The following ARHGAP1 variants were observed in gnomAD, a reference collection of about 807,000 sequenced individuals.
The protein encoded by ARHGAP1 is Rho GTPase activating protein 1.
A neutral mutation model predicts 52.2 loss-of-function variants in ARHGAP1; 23 were observed. The observed-to-expected ratio is 0.44, with a 90% CI of 0.32 to 0.62. The LOEUF is 0.62. Among genes scored for constraint, ARHGAP1 ranks in the 20% least tolerant of loss-of-function variants. The pLI, the probability that ARHGAP1 is intolerant of heterozygous loss-of-function variation, is 0.05. For synonymous variants in ARHGAP1, 210 were observed against 228.4 expected, an observed-to-expected ratio of 0.92 and a Z score of 0.73; for missense variants, 480 against 560.9, an observed-to-expected ratio of 0.86 and a Z score of 1.46.
In ARHGAP1 at chr11:46,681,137, G is replaced by T. The variant is rs1361697288; in HGVS notation, c.537-28C>A. The T allele has an allele frequency of 6.2e-7, 1 of 1,601,796 alleles. No individual in the cohort carries two copies. On this transcript the variant is annotated intron_variant, in intron 6 of 12. Transcript: ENST00000311956. This position sits in a 1 kb window ranked among gnomAD's most constrained non-coding sequence, Gnocchi z 5.7. ...GTTGGTGGAAGAAAGGGCCTGGGTTGTGGGGGCCCGCTTCCGGTGGCCTCC... is the reference window on the plus strand; with the variant it reads ...GTTGGTGGAAGAAAGGGCCTGGGTTTTGGGGGCCCGCTTCCGGTGGCCTCC...
Position 46,680,969 on chromosome 11 carries a change from TA to T in ARHGAP1, c.635+41del. 6.4e-7 allele frequency: 1 copy of T among 1,567,634 alleles called. No homozygotes were observed. Among genetic ancestry groups the T allele is most frequent in the Non-Finnish European group, 8.8e-7 (1 of 1,140,848 alleles). On this transcript the variant is annotated intron_variant, in intron 7 of 12. Transcript: ENST00000311956. The surrounding 1 kb of genome is among the most constrained non-coding windows in gnomAD (Gnocchi z 5.9). ...TCTGAATCAGGACACACGTCCTCATTACCCTGGCTTCACGAGCCCCCAGCCG... is the reference window on the plus strand; with the variant it reads ...TCTGAATCAGGACACACGTCCTCATTCCCTGGCTTCACGAGCCCCCAGCCG...
Position 46,681,003 on chromosome 11 carries a change from C to G in ARHGAP1, c.635+8G>C. 1 of 1,613,426 alleles carries G rather than the reference C, an allele frequency of 6.2e-7. No homozygotes were observed. The highest frequency in any genetic ancestry group is 1.1e-5 in the South Asian group (1 of 91,074). On this transcript the variant is annotated splice_region_variant and intron_variant, in intron 7 of 12. Transcript: ENST00000311956. The surrounding 1 kb of genome is among the most constrained non-coding windows in gnomAD (Gnocchi z 5.7). ...TTCACGAGCCCCCAGCCGCCGCACC[C>G]GCCTCACTTGAGCACTTGGCGAGGG...
In ARHGAP1 at chr11:46,695,976, T is replaced by C. The variant is rs1217022181; in HGVS notation, c.132A>G (p.Ser44=). Residue 44 remains serine (S), a splice_region_variant and synonymous_variant, in exon 2 of 13, where the codon TCA becomes TCG. Transcript: ENST00000311956. ...GCCTGAGACCAGACACAAGCCCACCTGACTTGGGGAAGTCAGGCATTTCAT... is the reference window on the plus strand; with the variant it reads ...GCCTGAGACCAGACACAAGCCCACCCGACTTGGGGAAGTCAGGCATTTCAT... The part of the protein sequence containing the change: ...PSDEMPDFPK[S]DDSKSSSPEL... The C allele has an allele frequency of 1.2e-6, 2 of 1,614,096 alleles. No homozygotes were observed. Among genetic ancestry groups the C allele is most frequent in the Non-Finnish European group, 1.7e-6 (2 of 1,180,034 alleles).
At chr11:46,698,637 G>C (rs2064675727) in intron 1 of ARHGAP1, among the ~76,000 whole-genome samples, 1 of 150,202 alleles carries the variant, frequency 6.7e-6, no homozygotes, top group South Asian at 2.1e-4. Flanking sequence ...GCAGCTGGGA[G>C]CTGGGGTGGA....
rs771850834 is a variant in ARHGAP1 at position 46,688,225 on chromosome 11, T to G, written c.265A>C (p.Ser89Arg). 1.2e-6 allele frequency: 2 copies of G among 1,613,962 alleles called. No individual in the cohort carries two copies. Among genetic ancestry groups the G allele is most frequent in the Non-Finnish European group, 1.7e-6 (2 of 1,180,002 alleles). The part of the protein sequence containing the change: ...DKYGRKIIVF[S>R]ACRMPPSHQL... ...TGGCTGGGGGGCATTCGACAGGCAC[T>G]AAACACAATGATCTTCCGCCCATAC... Residue 89 changes from serine (S) to arginine (R), a missense_variant, in exon 4 of 13, where the codon AGT becomes CGT. Ser to Arg is a moderately radical substitution (Grantham distance 110). Transcript: ENST00000311956.
chr11:46,677,944 GAAAAA>G lies in ARHGAP1; in HGVS notation c.*1088_*1092del. The G allele has an allele frequency of 2.7e-6, 1 of 365,974 alleles. No individual in the cohort carries two copies. Among genetic ancestry groups the G allele is most frequent in the Non-Finnish European group, 5.2e-6 (1 of 191,088 alleles). 22.7% of individuals were successfully genotyped at this position (365,974 alleles called of 1,614,324 possible). ...GGTGACAGAGCGAGACTCCATCTCA[GAAAAA>G]AAAAAAAAAAGGTGGCCCTAGAGCC... On this transcript the variant is annotated 3_prime_UTR_variant, in exon 13 of 13. Transcript: ENST00000311956.
chr11:46,690,276 A>G (rs1176581968), intron 3 of ARHGAP1, among the ~76,000 whole-genome samples: 1 of 152,004 alleles, frequency 6.6e-6, no homozygotes, highest in East Asian at 1.9e-4. Flanking sequence ...AGTCCCAGCT[A>G]CTCGGGAGGC....
At chr11:46,689,830 C>G (rs894656969) in intron 3 of ARHGAP1, among the ~76,000 whole-genome samples, 1 of 152,176 alleles carries the variant, frequency 6.6e-6, no homozygotes, top group Non-Finnish European at 1.5e-5. Context: ...TGAGCCACCA[C>G]GCCCGGCTCT....
chr11:46,679,761 A>C lies in ARHGAP1; in HGVS notation c.914T>G (p.Phe305Cys). The change falls in exon 11 of 13, where the codon TTC (phenylalanine) becomes TGC (cysteine). Residue 305 changes from phenylalanine (F) to cysteine (C), a missense_variant. Transcript: ENST00000311956. The surrounding 1 kb of genome is among the most constrained non-coding windows in gnomAD (Gnocchi z 4.4). ...QKYNMGLPVD[F>C]DQYNELHLPA... ...CAGGTGCAGCTCATTGTACTGGTCG[A>C]AATCCACAGGCAGCCCTGGGGTGGG... is the stretch of plus-strand genomic sequence containing the variant. 1 of 1,613,704 alleles carries C rather than the reference A, an allele frequency of 6.2e-7. No homozygotes were observed.
At chr11:46,683,554 A>G (rs2064544517) in intron 4 of ARHGAP1, among the ~76,000 whole-genome samples, 1 of 152,008 alleles carries the variant, frequency 6.6e-6, no homozygotes, top group Non-Finnish European at 1.5e-5. Flanking sequence ...GCACAAACAT[A>G]TACACACCTG....
At chr11:46,687,970 C>T (rs113394063) in intron 4 of ARHGAP1, 16 of 540,924 alleles carry the variant, frequency 3.0e-5, no homozygotes, top group African/African-American at 1.9e-4. Context: ...CCAAGGTCAC[C>T]CAGCTTCAAT....
At position 46,681,266 on chromosome 11, in the gene ARHGAP1, C is replaced by T. The variant is rs761829488; in HGVS notation, c.536+27G>A. On this transcript the variant is annotated intron_variant, in intron 6 of 12. Transcript: ENST00000311956. This position sits in a 1 kb window ranked among gnomAD's most constrained non-coding sequence, Gnocchi z 5.7. The stretch of plus-strand genomic sequence containing the variant: ...CTTCAGAGTTCCAGGCAAGCCGGGA[C>T]CACCAGCCCTGCCCGTGGCCACTCA... The T allele has an allele frequency of 8.8e-6, 14 of 1,597,182 alleles. No homozygotes were observed. The East Asian group carries it at 3.1e-4, about 36-fold the overall frequency.
In ARHGAP1 at chr11:46,696,203, A is replaced by G. The variant is rs935269704; in HGVS notation, c.-49-47T>C. The G allele has an allele frequency of 7.5e-7, 1 of 1,328,428 alleles. No homozygotes were observed. The highest frequency in any genetic ancestry group is 1.0e-6 in the Non-Finnish European group (1 of 979,558). The allele number at this position is 1,328,428 out of a possible 1,614,324, so 82.3% of individuals were successfully genotyped here. A position where few individuals can be genotyped will look rare whatever the true frequency, so the allele number is the denominator to read the frequency against. On this transcript the variant is annotated intron_variant, in intron 1 of 12. Coordinates refer to ENST00000311956, the MANE Select transcript of ARHGAP1 (RefSeq NM_004308.5). The surrounding 1 kb of genome is among the most constrained non-coding windows in gnomAD (Gnocchi z 4.8). Reference sequence around the variant, plus strand: ...GGCAGGTCAGTGACCTGCTCTTTTCACCTTCTGCGACCTCCACCGCGTGCC... The same window carrying G: ...GGCAGGTCAGTGACCTGCTCTTTTCGCCTTCTGCGACCTCCACCGCGTGCC...
intron 1 of ARHGAP1, among the ~76,000 whole-genome samples, chr11:46,700,345 AAATG>A (rs1044501908): frequency 3.3e-5 from 5 of 151,898 alleles, no homozygotes; most frequent in Admixed American, 1.3e-4. Context: ...AAGGTAGTGA[AAATG>A]ATTAAGTCCT....
intron 3 of ARHGAP1, among the ~76,000 whole-genome samples, chr11:46,693,196 C>T (rs1046572634): frequency 6.6e-6 from 1 of 151,912 alleles, no homozygotes; most frequent in East Asian, 1.9e-4. Context: ...CGGGGTTTCT[C>T]CGTGTTCATC....
In ARHGAP1 at chr11:46,679,935, C is replaced by G; in HGVS notation, c.899-159G>C. On this transcript the variant is annotated intron_variant, in intron 10 of 12. Coordinates refer to ENST00000311956, the MANE Select transcript of ARHGAP1 (RefSeq NM_004308.5). This position sits in a 1 kb window ranked among gnomAD's most constrained non-coding sequence, Gnocchi z 4.4. Reference sequence around the variant, plus strand: ...ACCTGCCTCCCTCTTCCTCTGTGATCAGAGAATGCAGGTTCCGGCCATCTG... The same window carrying G: ...ACCTGCCTCCCTCTTCCTCTGTGATGAGAGAATGCAGGTTCCGGCCATCTG... 1 of 1,239,652 alleles carries G rather than the reference C, an allele frequency of 8.1e-7. No homozygotes were observed. Among genetic ancestry groups the G allele is most frequent in the Non-Finnish European group, 1.1e-6 (1 of 912,052 alleles). 76.8% of individuals were successfully genotyped at this position (1,239,652 alleles called of 1,614,324 possible).
In ARHGAP1 at chr11:46,696,818, G is replaced by A. The variant is rs904536854; in HGVS notation, c.-49-662C>T. On this transcript the variant is annotated intron_variant, in intron 1 of 12. Coordinates refer to ENST00000311956, the MANE Select transcript of ARHGAP1 (RefSeq NM_004308.5). The surrounding 1 kb of genome is among the most constrained non-coding windows in gnomAD (Gnocchi z 4.8). Reference sequence around the variant, plus strand: ...CAGGAGGCGGAGGTTGCAGTGAGCCGAGATTGTGCCATTGCACTTCCAGCC... The same window carrying A: ...CAGGAGGCGGAGGTTGCAGTGAGCCAAGATTGTGCCATTGCACTTCCAGCC... Among the ~76,000 whole-genome samples, 3 of 152,184 alleles carry A rather than the reference G, an allele frequency of 2.0e-5. No homozygotes were observed. Among genetic ancestry groups the A allele is most frequent in the Non-Finnish European group, 2.9e-5 (2 of 68,038 alleles).
rs894373119 is a variant in ARHGAP1, at chr11:46,683,239, C to T, written c.318-1057G>A. 7.2e-5 allele frequency among the ~76,000 whole-genome samples: 11 copies of T among 152,136 alleles called. No homozygotes were observed. The South Asian group carries it at 2.3e-3, about 32-fold the overall frequency. On this transcript the variant is annotated intron_variant, in intron 4 of 12. Transcript: ENST00000311956. ...CTTTTTATTTTGTAGAGACAGGTCT[C>T]ACTATGTTGCCCAGGCTGGTCTTGA... is the stretch of plus-strand genomic sequence containing the variant.
chr11:46,695,173 A>G (rs2064643044), intron 3 of ARHGAP1: 2 of 342,066 alleles, frequency 5.8e-6, no homozygotes, highest in Non-Finnish European at 1.2e-5. Context: ...GCAGGGCAGC[A>G]TATCTGCCAG....
Sources: gnomAD v4.1 joint callset for allele counts (sites outside exome capture counted in the v4.1 genomes callset) on GRCh38, gnomAD v4.1.1 for gene constraint, Gnocchi (gnomAD v3.1) non-coding constraint, MANE v1.5 for transcripts, NCBI Gene and HGNC (gene_info 2026-07-23, HGNC 2026-07-21) for gene names.